Variants in ANXA10 observed in about 807,000 individuals in gnomAD.
ANXA10 encodes annexin 14.
A neutral mutation model predicts 53.5 loss-of-function variants in ANXA10; 49 were observed. The ratio of observed to expected loss-of-function variants is 0.92; its 90% CI spans 0.73 to 1.16. The LOEUF is 1.16. ANXA10 is among the 50% of genes most tolerant of loss of function. The probability of loss-of-function intolerance (pLI) is 0.00; values close to 1 mark genes in which losing one functional copy is unlikely to be tolerated. For synonymous variants in ANXA10, 131 were observed against 128.9 expected (o/e 1.02, Z -0.11); for missense variants, 393 against 394.4 (o/e 1.00, Z 0.03).
chr4:168,149,872 C>A (rs1731469252), intron 3 of ANXA10, among the ~76,000 whole-genome samples: 2 of 152,182 alleles, frequency 1.3e-5, no homozygotes, highest in Admixed American at 1.3e-4. Context: ...TAATATTTTT[C>A]TTCTAGTTCA....
intron 1 of ANXA10, among the ~76,000 whole-genome samples, chr4:168,121,826 GTTTGGTTTTGTTT>G (rs1331537598): frequency 6.6e-6 from 1 of 151,720 alleles, no homozygotes; most frequent in East Asian, 1.9e-4. Flanking sequence ...TGGTTTTGTT[GTTTGGTTTTGTTT>G]TTTGTTTTGT....
chr4:168,143,409 T>C lies in ANXA10; in HGVS notation c.195+3829T>C, dbSNP rs1318323925. 4.6e-5 allele frequency among the ~76,000 whole-genome samples: 7 copies of C among 152,240 alleles called. 1 individual carries two copies. Among genetic ancestry groups the C allele is most frequent in the Admixed American group, 3.9e-4 (6 of 15,284 alleles). Reference sequence around the variant, plus strand: ...AGCAGGCTCCATGAACACTTCTTACTTGACATTTTACATTCGTGCAGAGTG... The same window carrying C: ...AGCAGGCTCCATGAACACTTCTTACCTGACATTTTACATTCGTGCAGAGTG... On this transcript the variant is annotated intron_variant, in intron 3 of 11. Transcript: ENST00000359299.
chr4:168,152,513 A>C (rs1425317184), intron 3 of ANXA10, among the ~76,000 whole-genome samples: 1 of 152,116 alleles, frequency 6.6e-6, no homozygotes, highest in African/African-American at 2.4e-5. Flanking sequence ...TTTTCTTCTA[A>C]GATCAAGTGT....
intron 2 of ANXA10, among the ~76,000 whole-genome samples, chr4:168,130,250 C>A (rs1156704222): frequency 6.6e-6 from 1 of 152,000 alleles, no homozygotes; most frequent in Non-Finnish European, 1.5e-5. Flanking sequence ...CTCCTTTTTC[C>A]TGTTGATGCA....
intron 1 of ANXA10, among the ~76,000 whole-genome samples, chr4:168,097,300 A>G (rs1254388172): frequency 1.3e-5 from 2 of 152,036 alleles, no homozygotes; most frequent in Non-Finnish European, 2.9e-5. Flanking sequence ...ATATGGTTAA[A>G]TCCCATGCCT....
chr4:168,105,779 G>T (rs960308363), intron 1 of ANXA10, among the ~76,000 whole-genome samples: 2 of 152,014 alleles, frequency 1.3e-5, no homozygotes, highest in Non-Finnish European at 2.9e-5. Flanking sequence ...AACAGCATTT[G>T]TTATTTTTTG....
Position 168,106,269 on chromosome 4 carries a change from T to C in ANXA10, c.18+13551T>C, listed in dbSNP as rs536903499. Among the ~76,000 whole-genome samples, 330 of 152,256 alleles carry C rather than the reference T, an allele frequency of 2.2e-3. 1 individual carries two copies. The highest frequency in any genetic ancestry group is 7.7e-3 in the African/African-American group (320 of 41,574). On this transcript the variant is annotated intron_variant, in intron 1 of 11. Transcript: ENST00000359299. ...ATAAGTATAAACAATTTTGGCTCAA[T>C]GATATTTTAAAAACATTTATTATGA... is the stretch of plus-strand genomic sequence containing the variant.
chr4:168,149,587 G>C (rs1731462406), intron 3 of ANXA10, among the ~76,000 whole-genome samples: 1 of 152,042 alleles, frequency 6.6e-6, no homozygotes, highest in African/African-American at 2.4e-5. Context: ...TTTCTTTAGG[G>C]AGAATCTTTT....
chr4:168,137,565 A>G (rs1731257239), intron 2 of ANXA10, among the ~76,000 whole-genome samples: 1 of 152,130 alleles, frequency 6.6e-6, no homozygotes, highest in Non-Finnish European at 1.5e-5. Flanking sequence ...ACTTAGGATA[A>G]TGGCCTCTGA....
At chr4:168,166,842 C>T (rs746679040) in intron 6 of ANXA10, among the ~76,000 whole-genome samples, 2 of 151,838 alleles carry the variant, frequency 1.3e-5, no homozygotes, top group African/African-American at 2.4e-5. Context: ...GATTTCAATG[C>T]CTTTTAAAAA....
At chr4:168,112,067 G>A (rs768181881) in intron 1 of ANXA10, among the ~76,000 whole-genome samples, 3 of 152,122 alleles carry the variant, frequency 2.0e-5, no homozygotes, top group African/African-American at 4.8e-5. Flanking sequence ...GCCAAGGCAG[G>A]CGGATCACTT....
At position 168,177,738 on chromosome 4, in the gene ANXA10, A is replaced by C; in HGVS notation, c.481-2A>C. ...CATGGAAAACCTGTGCTTACTTTACAGGGGACCAGAGAGGAAGGATATACA... is the reference window on the plus strand; with the variant it reads ...CATGGAAAACCTGTGCTTACTTTACCGGGGACCAGAGAGGAAGGATATACA... On this transcript the variant is annotated splice_acceptor_variant, in intron 6 of 11. Coordinates refer to ENST00000359299, the MANE Select transcript of ANXA10 (RefSeq NM_007193.5). LOFTEE classifies it high-confidence loss of function. 3 of 1,614,116 alleles carry C rather than the reference A, an allele frequency of 1.9e-6. No homozygotes were observed. The highest frequency in any genetic ancestry group is 2.5e-6 in the Non-Finnish European group (3 of 1,179,968).
chr4:168,179,909 A>G, intron 9 of ANXA10, among the ~76,000 whole-genome samples: 1 of 152,234 alleles, frequency 6.6e-6, no homozygotes, highest in East Asian at 1.9e-4. Flanking sequence ...CTACCTGTGC[A>G]ATAGAACTAC....
In ANXA10 at chr4:168,092,652, T is replaced by C; in HGVS notation, c.-49T>C. 3 of 1,556,164 alleles carry C rather than the reference T, an allele frequency of 1.9e-6. No homozygotes were observed. Among genetic ancestry groups the C allele is most frequent in the Non-Finnish European group, 2.6e-6 (3 of 1,141,604 alleles). ...CTGGCTTCACAGTGAAACAAGTTTA[T>C]GCAATCGATCAAATATTTTCATCCC... On this transcript the variant is annotated 5_prime_UTR_variant, in exon 1 of 12. An upstream start codon of the reference 5' UTR is lost. Coordinates refer to ENST00000359299, the MANE Select transcript of ANXA10 (RefSeq NM_007193.5).
intron 1 of ANXA10, among the ~76,000 whole-genome samples, chr4:168,104,283 A>C (rs1388331840): frequency 4.0e-5 from 6 of 151,862 alleles, no homozygotes; most frequent in Non-Finnish European, 8.8e-5. Flanking sequence ...TTTATATATT[A>C]GTACATTGAA....
chr4:168,115,306 A>G (rs1730875269), intron 1 of ANXA10, among the ~76,000 whole-genome samples: 1 of 152,188 alleles, frequency 6.6e-6, no homozygotes, highest in Non-Finnish European at 1.5e-5. Context: ...AATACCACCA[A>G]CTAAAATCTA....
chr4:168,155,825 ATATGATATAT>A lies in ANXA10; in HGVS notation c.196-6702_196-6693del, dbSNP rs1731629929. On this transcript the variant is annotated intron_variant, in intron 3 of 11. Coordinates refer to ENST00000359299, the MANE Select transcript of ANXA10 (RefSeq NM_007193.5). ...TAATATATGATATATTATATATGAT[ATATGATATAT>A]CATATATAATATAATATATCATATA... Among the ~76,000 whole-genome samples the A allele has an allele frequency of 1.2e-4, 2 of 16,066 alleles. 1 individual carries two copies. The highest frequency in any genetic ancestry group is 2.0e-3 in the Admixed American group (2 of 996). The allele number at this position is 16,066 out of a possible 152,430, so 10.5% of individuals were successfully genotyped here. A position where few individuals can be genotyped will look rare whatever the true frequency, so the allele number is the denominator to read the frequency against.
At chr4:168,149,883 C>T (rs62336239) in intron 3 of ANXA10, among the ~76,000 whole-genome samples, 9,352 of 152,228 alleles carry the variant, frequency 0.061, 387 homozygotes, top group Non-Finnish European at 0.095. Context: ...TTCTAGTTCA[C>T]GCTGCTACTG....
In ANXA10 at chr4:168,177,766, C is replaced by T. The variant is rs1473613525; in HGVS notation, c.507C>T (p.Asp169=). 3.7e-6 allele frequency: 6 copies of T among 1,614,166 alleles called. No homozygotes were observed. The highest frequency in any genetic ancestry group is 1.1e-5 in the South Asian group (1 of 91,084). The change falls in exon 7 of 12, where the codon GAC becomes GAT. Residue 169 remains aspartate (D), a synonymous_variant. Coordinates refer to ENST00000359299, the MANE Select transcript of ANXA10 (RefSeq NM_007193.5). The part of the protein sequence containing the change: ...VQGTREEGYT[D]PAMAAQDAMV... ...GGACCAGAGAGGAAGGATATACAGA[C>T]CCTGCGATGGCTGCTCAGGATGCAA...
Sources: gnomAD v4.1 joint callset for allele counts (sites outside exome capture counted in the v4.1 genomes callset) on GRCh38, gnomAD v4.1.1 for gene constraint, MANE v1.5 for transcripts, NCBI Gene and HGNC (gene_info 2026-07-23, HGNC 2026-07-21) for gene names.